The following AGMO variants were observed in gnomAD, a reference collection of about 807,000 sequenced individuals.
AGMO encodes glyceryl-ether monooxygenase.
In AGMO, 75 loss-of-function variants were observed where a neutral mutation model predicts 60.2. That is an observed-to-expected ratio of 1.25 (90% CI 1.03 to 1.51). AGMO has a LOEUF of 1.51. Ranked by LOEUF, AGMO falls within the 40% of genes most tolerant of loss-of-function variation. The probability of loss-of-function intolerance (pLI) is 0.00; values close to 1 mark genes in which losing one functional copy is unlikely to be tolerated. For synonymous variants in AGMO, 261 were observed against 177.1 expected, an observed-to-expected ratio of 1.47 and a Z score of -3.76; for missense variants, 763 against 525.5, an observed-to-expected ratio of 1.45 and a Z score of -4.42.
intron 3 of AGMO, among the ~76,000 whole-genome samples, chr7:15,510,257 C>T (rs1247103535): frequency 2.0e-5 from 3 of 152,048 alleles, no homozygotes; most frequent in South Asian, 2.1e-4. Context: ...CCTCCACCTC[C>T]GAGGCTCAAG....
chr7:15,479,725 G>C (rs755233118), intron 3 of AGMO, among the ~76,000 whole-genome samples: 2 of 152,120 alleles, frequency 1.3e-5, no homozygotes, highest in Non-Finnish European at 2.9e-5. Context: ...CTTGTGCCAG[G>C]GTTGTGCTAA....
the AGMO span, among the ~76,000 whole-genome samples, chr7:15,153,348 A>G: frequency 1.3e-5 from 2 of 152,092 alleles, no homozygotes; most frequent in Admixed American, 1.3e-4. Context: ...TAGTTTAATT[A>G]AGTTCCATAT....
Position 15,201,218 on chromosome 7 carries a change from T to G in AGMO, c.*67A>C. 1 of 993,032 alleles carries G rather than the reference T, an allele frequency of 1.0e-6. No homozygotes were observed. Among genetic ancestry groups the G allele is most frequent in the Non-Finnish European group, 1.5e-6 (1 of 674,938 alleles). The allele number at this position is 993,032 out of a possible 1,614,324, so 61.5% of individuals were successfully genotyped here. A position where few individuals can be genotyped will look rare whatever the true frequency, so the allele number is the denominator to read the frequency against. ...AAGCATTACATAAAATAATTACATTTTAATATGCAGTCATAATATGCGTGT... is the reference window on the plus strand; with the variant it reads ...AAGCATTACATAAAATAATTACATTGTAATATGCAGTCATAATATGCGTGT... On this transcript the variant is annotated 3_prime_UTR_variant, in exon 13 of 13. Transcript: ENST00000342526.
intron 12 of AGMO, among the ~76,000 whole-genome samples, chr7:15,202,415 T>C (rs1207067674): frequency 1.8e-5 from 2 of 112,878 alleles, no homozygotes; most frequent in Non-Finnish European, 3.5e-5. Context: ...TATTAAAGCA[T>C]GAATGAGGAA....
At chr7:15,428,875 A>G (rs1021723812) in intron 4 of AGMO, among the ~76,000 whole-genome samples, 4 of 152,128 alleles carry the variant, frequency 2.6e-5, no homozygotes, top group Admixed American at 2.0e-4. Flanking sequence ...AGAGAAATAT[A>G]TAAGTCAGAA....
At chr7:15,201,478 TATTAA>T in intron 12 of AGMO, 119 bp from the exon 13 acceptor site, 2 of 647,054 alleles carry the variant, frequency 3.1e-6, no homozygotes, top group East Asian at 5.8e-5. Context: ...GGAGTCAAGT[TATTAA>T]ATTAAATCTA....
At chr7:15,268,717 ATAT>A (rs1783508135) in intron 12 of AGMO, among the ~76,000 whole-genome samples, 1 of 151,984 alleles carries the variant, frequency 6.6e-6, no homozygotes, top group Non-Finnish European at 1.5e-5. Flanking sequence ...AAGATGGGTA[ATAT>A]TAATATATGA....
chr7:15,525,348 G>T (rs1483719404), intron 3 of AGMO, among the ~76,000 whole-genome samples: 1 of 151,918 alleles, frequency 6.6e-6, no homozygotes, highest in Non-Finnish European at 1.5e-5. Flanking sequence ...CTCCCATTTG[G>T]TATGACTTCC....
chr7:15,255,581 T>C (rs1336780956), intron 12 of AGMO, among the ~76,000 whole-genome samples: 1 of 145,198 alleles, frequency 6.9e-6, no homozygotes. Flanking sequence ...TACAGGCCAA[T>C]ATCCGTGATG....
intron 3 of AGMO, among the ~76,000 whole-genome samples, chr7:15,511,269 G>A (rs1415425791): frequency 6.6e-6 from 1 of 151,968 alleles, no homozygotes; most frequent in African/African-American, 2.4e-5. Flanking sequence ...AACCTAATGA[G>A]CACATCTTTT....
intron 12 of AGMO, among the ~76,000 whole-genome samples, chr7:15,340,046 G>T (rs1781791619): frequency 6.6e-6 from 1 of 152,174 alleles, no homozygotes; most frequent in South Asian, 2.1e-4. Context: ...AGTTGCTTGA[G>T]ACTAGAAGTG....
intron 10 of AGMO, among the ~76,000 whole-genome samples, chr7:15,379,434 C>T (rs186495306): frequency 1.3e-5 from 2 of 151,920 alleles, no homozygotes; most frequent in African/African-American, 4.8e-5. Context: ...AGGTTATTAT[C>T]AATGACCCCA....
At chr7:15,385,936 T>C (rs1783892489) in intron 9 of AGMO, among the ~76,000 whole-genome samples, 1 of 152,116 alleles carries the variant, frequency 6.6e-6, no homozygotes, top group Non-Finnish European at 1.5e-5. Context: ...ATCCCAGCAC[T>C]TTGGGAGGCC....
intron 12 of AGMO, among the ~76,000 whole-genome samples, chr7:15,255,963 A>G (rs1159444129): frequency 6.6e-6 from 1 of 152,234 alleles, no homozygotes; most frequent in African/African-American, 2.4e-5. Context: ...AGAGAAGAAC[A>G]GATATCAGGG....
chr7:15,296,529 C>T (rs1011868733), intron 12 of AGMO, among the ~76,000 whole-genome samples: 2 of 152,060 alleles, frequency 1.3e-5, no homozygotes, highest in Admixed American at 1.3e-4. Flanking sequence ...AAGACAGCCA[C>T]TCTTTTCTCA....
chr7:15,337,318 A>G (rs1352342247), intron 12 of AGMO, among the ~76,000 whole-genome samples: 2 of 152,210 alleles, frequency 1.3e-5, no homozygotes, highest in Non-Finnish European at 2.9e-5. Flanking sequence ...ATAACAGAAT[A>G]TATTTCATAA....
At chr7:15,157,738 C>G in the AGMO span, among the ~76,000 whole-genome samples, 1 of 152,212 alleles carries the variant, frequency 6.6e-6, no homozygotes, top group East Asian at 1.9e-4. Flanking sequence ...CTCAAATCCT[C>G]CACATCTTAT....
intron 12 of AGMO, among the ~76,000 whole-genome samples, chr7:15,248,205 T>C (rs904034090): frequency 4.1e-5 from 4 of 96,712 alleles, no homozygotes; most frequent in Admixed American, 3.2e-4. Context: ...TATATATATA[T>C]ATATATATAT....
chr7:15,198,204 A>ATT (rs1781170792), downstream of AGMO, among the ~76,000 whole-genome samples: 1 of 49,264 alleles, frequency 2.0e-5, no homozygotes, highest in African/African-American at 1.4e-4. Flanking sequence ...CCCGAGAGAG[A>ATT]GAGAGAGAGA....
Sources: gnomAD v4.1 joint callset for allele counts (sites outside exome capture counted in the v4.1 genomes callset) on GRCh38, gnomAD v4.1.1 for gene constraint, MANE v1.5 for transcripts, NCBI Gene and HGNC (gene_info 2026-07-23, HGNC 2026-07-21) for gene names.